Variants in SLC26A8 observed in about 807,000 individuals in gnomAD.
SLC26A8 encodes the protein solute carrier family 26 member 8.
Under a neutral mutation model 105.0 loss-of-function variants are expected in SLC26A8, and 70 were observed. The observed-to-expected ratio is 0.67, with a 90% CI of 0.55 to 0.81. The LOEUF is 0.81. SLC26A8 is among the 40% of genes least tolerant of loss of function. SLC26A8 has a pLI of 0.00. For missense variants in SLC26A8, 998 were observed against 1,181.8 expected, an observed-to-expected ratio of 0.84 and a Z score of 2.28; for synonymous variants, 415 against 438.3, an observed-to-expected ratio of 0.95 and a Z score of 0.66.
At position 36,024,542 on chromosome 6, in the gene SLC26A8, TC is replaced by T. The variant is rs1562082700; in HGVS notation, c.-42del. ...GGGGGCGGGAGTGCGGGCGCTGGGATCCCACACGGCTCTCGCCTGGCTGGCG... is the reference window on the plus strand; with the variant it reads ...GGGGGCGGGAGTGCGGGCGCTGGGATCCACACGGCTCTCGCCTGGCTGGCG... On this transcript the variant is annotated 5_prime_UTR_variant, in exon 1 of 20. Transcript: ENST00000490799. The T allele has an allele frequency of 7.1e-6, 3 of 420,240 alleles. No individual in the cohort carries two copies. The highest frequency in any genetic ancestry group is 5.1e-5 in the South Asian group (3 of 59,218). The allele number at this position is 420,240 out of a possible 1,614,324, so 26.0% of individuals were successfully genotyped here. A position where few individuals can be genotyped will look rare whatever the true frequency, so the allele number is the denominator to read the frequency against.
At chr6:35,997,679 G>T (rs1761393922) in intron 5 of SLC26A8, 59 bp downstream of exon 5, 1 of 1,515,104 alleles carries the variant, frequency 6.6e-7, no homozygotes, top group Non-Finnish European at 9.0e-7. Flanking sequence ...TAAGGAAGGG[G>T]TCTGTTTATA....
In SLC26A8 at chr6:36,024,632, C is replaced by T. The variant is rs567862507; in HGVS notation, c.-131G>A. On this transcript the variant is annotated 5_prime_UTR_variant, in exon 1 of 20. Transcript: ENST00000490799. ...GTTGTGGCCTAGCCCGCGGGCGTTC[C>T]GGGCGGGCTGAGGAGATGAGAGTGG... 22 of 384,024 alleles carry T rather than the reference C, an allele frequency of 5.7e-5. No individual in the cohort carries two copies. In the East Asian group the frequency reaches 1.0e-3, roughly 18 times the overall value. 23.8% of individuals were successfully genotyped at this position (384,024 alleles called of 1,614,324 possible).
chr6:36,005,702 T>C (rs567116535), intron 3 of SLC26A8, among the ~76,000 whole-genome samples: 310 of 152,306 alleles, frequency 2.0e-3, no homozygotes, highest in Non-Finnish European at 2.7e-3. Flanking sequence ...AGGTTTTCTA[T>C]TGTAAAGTGG....
At chr6:36,015,251 G>A (rs1006011158) in intron 2 of SLC26A8, among the ~76,000 whole-genome samples, 1 of 151,870 alleles carries the variant, frequency 6.6e-6, no homozygotes, top group African/African-American at 2.4e-5. Flanking sequence ...TAGCTGGAAT[G>A]ACAGGCACGT....
At position 35,951,301 on chromosome 6, in the gene SLC26A8, G is replaced by T; in HGVS notation, c.2334C>A (p.Gly778=). The T allele has an allele frequency of 6.2e-7, 1 of 1,614,118 alleles. No homozygotes were observed. The highest frequency in any genetic ancestry group is 1.1e-5 in the South Asian group (1 of 91,080). The change falls in exon 19 of 20, where the codon GGC becomes GGA. Residue 778 remains glycine, a synonymous_variant. Coordinates refer to ENST00000490799, the MANE Select transcript of SLC26A8 (RefSeq NM_052961.4). ...TGAGGAACAGCTGGGTCTTGGTGAT[G>T]CCAGCGTCAAAGAAATCATTCCTCT... ...AFERNDFFDA[G]ITKTQLFLSV... is the part of the protein sequence containing the mutation.
chr6:35,957,357 A>G (rs1772115068), intron 16 of SLC26A8, among the ~76,000 whole-genome samples: 1 of 152,028 alleles, frequency 6.6e-6, no homozygotes, highest in African/African-American at 2.4e-5. Context: ...TATTCTAACA[A>G]TGTTGCTTGT....
chr6:36,024,579 C>A lies in SLC26A8; in HGVS notation c.-78G>T. On this transcript the variant is annotated 5_prime_UTR_variant, in exon 1 of 20. Coordinates refer to ENST00000490799, the MANE Select transcript of SLC26A8 (RefSeq NM_052961.4). The stretch of plus-strand genomic sequence containing the variant: ...CTCGCCTGGCTGGCGGCGCTGCGGA[C>A]GCGGATACCGGCGGCGGTTCCCGAG... 2.7e-6 allele frequency: 1 copy of A among 372,620 alleles called. No homozygotes were observed. Among genetic ancestry groups the A allele is most frequent in the South Asian group, 2.0e-5 (1 of 50,430 alleles). The allele number at this position is 372,620 out of a possible 1,614,324, so 23.1% of individuals were successfully genotyped here. A position where few individuals can be genotyped will look rare whatever the true frequency, so the allele number is the denominator to read the frequency against.
In SLC26A8 at chr6:35,962,473, C is replaced by G. The variant is rs921039914; in HGVS notation, c.1461+53G>C. On this transcript the variant is annotated intron_variant, in intron 12 of 19. Coordinates refer to ENST00000490799, the MANE Select transcript of SLC26A8 (RefSeq NM_052961.4). ...TCTCTTTTGTTTGTTCTTTCTCCCTCTCTCCAACCTCCCTCTGCCCTCCCC... is the reference window on the plus strand; with the variant it reads ...TCTCTTTTGTTTGTTCTTTCTCCCTGTCTCCAACCTCCCTCTGCCCTCCCC... The G allele has an allele frequency of 4.1e-6, 6 of 1,446,784 alleles. No individual in the cohort carries two copies. The East Asian group carries it at 9.1e-5, about 22-fold the overall frequency. 89.6% of individuals were successfully genotyped at this position (1,446,784 alleles called of 1,614,324 possible). A position where few individuals can be genotyped will look rare whatever the true frequency, so the allele number is the denominator to read the frequency against.
intron 2 of SLC26A8, among the ~76,000 whole-genome samples, chr6:36,014,897 AC>A (rs1761955120): frequency 6.6e-6 from 1 of 151,834 alleles, no homozygotes; most frequent in South Asian, 2.1e-4. Context: ...GAGAAAAAAA[AC>A]CTCACTTATC....
chr6:35,979,007 ATTTTTTTTT>A (rs34335766), intron 8 of SLC26A8, among the ~76,000 whole-genome samples: 3 of 98,306 alleles, frequency 3.1e-5, no homozygotes, highest in Non-Finnish European at 6.1e-5. Context: ...CACCTGGCTA[ATTTTTTTTT>A]TTTTTTTTTT....
intron 2 of SLC26A8, among the ~76,000 whole-genome samples, chr6:36,015,807 A>G (rs1761981013): frequency 1.4e-5 from 2 of 138,756 alleles, no homozygotes; most frequent in African/African-American, 2.8e-5. Context: ...TGTCTCAAGG[A>G]GAGGACAGTC....
rs997470788 is a variant in SLC26A8 at position 35,944,042 on chromosome 6, G to A, written c.2771C>T (p.Pro924Leu). The change falls in exon 20 of 20, where the codon CCT (proline) becomes CTT (leucine). Residue 924 changes from proline to leucine, a missense_variant. Coordinates refer to ENST00000490799, the MANE Select transcript of SLC26A8 (RefSeq NM_052961.4). ...ATACATAGGCCAGTAACGCTGCTGA[G>A]GAAAAGTGTGAGCTCTTGGCCTAGA... ...PKSRPRAHTF[P>L]QQRYWPMYHP... The A allele has an allele frequency of 1.9e-6, 3 of 1,614,108 alleles. No homozygotes were observed. Among genetic ancestry groups the A allele is most frequent in the Non-Finnish European group, 2.5e-6 (3 of 1,180,006 alleles).
rs147164164 is a variant in SLC26A8, at chr6:36,022,151, G to A, written c.-3+2353C>T. Reference sequence around the variant, plus strand: ...CTGGCTAATTTTTGTATTTTTGGTGGAGACAGGGTTTCGCCATGTTGGCCA... The same window carrying A: ...CTGGCTAATTTTTGTATTTTTGGTGAAGACAGGGTTTCGCCATGTTGGCCA... On this transcript the variant is annotated intron_variant, in intron 1 of 19. Coordinates refer to ENST00000490799, the MANE Select transcript of SLC26A8 (RefSeq NM_052961.4). Among the ~76,000 whole-genome samples the A allele has an allele frequency of 1.4e-4, 21 of 151,736 alleles. No homozygotes were observed. In the East Asian group the frequency reaches 4.1e-3, roughly 30 times the overall value.
chr6:35,985,971 T>C (rs1302651553), intron 7 of SLC26A8, among the ~76,000 whole-genome samples: 9 of 151,250 alleles, frequency 6.0e-5, no homozygotes. Context: ...TATATACACA[T>C]TGTGGCATGG....
rs1307211126 is a variant in SLC26A8 at position 35,992,556 on chromosome 6, A to G, written c.746T>C (p.Phe249Ser). ...GGCATGGAAACTAATCATAATCCCAAAGATGAAAGTCAGCTGGGACAGCAT... is the reference window on the plus strand; with the variant it reads ...GGCATGGAAACTAATCATAATCCCAGAGATGAAAGTCAGCTGGGACAGCAT... ...HIMLSQLTFI[F>S]GIMISFHAGP... Residue 249 changes from phenylalanine (F) to serine (S), a missense_variant, in exon 6 of 20, where the codon TTT becomes TCT. Transcript: ENST00000490799. 1.2e-6 allele frequency: 2 copies of G among 1,614,104 alleles called. No homozygotes were observed. The highest frequency in any genetic ancestry group is 8.5e-7 in the Non-Finnish European group (1 of 1,180,000).
At chr6:35,979,243 C>T (rs562617460) in intron 8 of SLC26A8, among the ~76,000 whole-genome samples, 3 of 151,866 alleles carry the variant, frequency 2.0e-5, no homozygotes, top group East Asian at 2.0e-4. Context: ...TTTGGGAGGC[C>T]GAGGTGGGCA....
At chr6:35,961,204 C>T in intron 12 of SLC26A8, 105 bp from the exon 13 acceptor site, 1 of 876,694 alleles carries the variant, frequency 1.1e-6, no homozygotes, top group Non-Finnish European at 1.8e-6. Context: ...CCTTACTACA[C>T]CTGGGCTTTA....
chr6:36,019,792 T>C, intron 1 of SLC26A8, 83 bp from the exon 2 acceptor site: 1 of 1,306,630 alleles, frequency 7.7e-7, no homozygotes, highest in African/African-American at 1.5e-5. Context: ...ATAAAATTCC[T>C]ATATAATAAT....
At chr6:35,948,841 A>T (rs1771763844) in intron 19 of SLC26A8, among the ~76,000 whole-genome samples, 1 of 152,166 alleles carries the variant, frequency 6.6e-6, no homozygotes. Context: ...TGATTAAGTC[A>T]TAAGGGCTCT....
Sources: allele counts gnomAD v4.1 joint callset (sites outside exome capture counted in the v4.1 genomes callset), GRCh38; gene constraint gnomAD v4.1.1; transcripts MANE v1.5; gene names NCBI Gene and HGNC (gene_info 2026-07-23, HGNC 2026-07-21).